Variants in MACROD2 observed in about 807,000 individuals in gnomAD.
MACROD2 encodes the protein ADP-ribose glycohydrolase MACROD2.
A neutral mutation model predicts 70.4 loss-of-function variants in MACROD2; 36 were observed. That is an observed-to-expected ratio of 0.51 (90% CI 0.39 to 0.68). The LOEUF is 0.68. Ranked by LOEUF, MACROD2 falls within the 30% of genes least tolerant of loss-of-function variation. MACROD2 has a pLI of 0.00. For missense variants in MACROD2, 496 were observed against 538.4 expected, an observed-to-expected ratio of 0.92 and a Z score of 0.78; for synonymous variants, 172 against 178.8, an observed-to-expected ratio of 0.96 and a Z score of 0.30.
intron 4 of MACROD2, among the ~76,000 whole-genome samples, chr20:14,599,015 G>T (rs1982318921): frequency 6.6e-6 from 1 of 151,972 alleles, no homozygotes; most frequent in Non-Finnish European, 1.5e-5. Context: ...TATACATTTT[G>T]GTGAGAAGAA....
chr20:15,592,816 A>G (rs1282735449), intron 8 of MACROD2, among the ~76,000 whole-genome samples: 1 of 152,196 alleles, frequency 6.6e-6, no homozygotes, highest in Non-Finnish European at 1.5e-5. Context: ...GAGTGGTGAA[A>G]ACATCTAAAG....
chr20:14,584,760 G>A (rs908520726), intron 4 of MACROD2, among the ~76,000 whole-genome samples: 2 of 152,048 alleles, frequency 1.3e-5, no homozygotes, highest in African/African-American at 4.8e-5. Context: ...CTAATTAAAA[G>A]TTTTTAAATT....
At chr20:15,421,920 C>G (rs958801701) in intron 6 of MACROD2, among the ~76,000 whole-genome samples, 1 of 152,164 alleles carries the variant, frequency 6.6e-6, no homozygotes, top group Non-Finnish European at 1.5e-5. Context: ...CTAGGAAGAC[C>G]TCTTCGAGGA....
At chr20:14,482,156 G>A (rs1408925104) in intron 3 of MACROD2, among the ~76,000 whole-genome samples, 4 of 152,014 alleles carry the variant, frequency 2.6e-5, no homozygotes, top group Non-Finnish European at 5.9e-5. Flanking sequence ...ATTGCGTTAG[G>A]GTGAATGCAG....
chr20:14,741,584 TA>T (rs1253112972), intron 5 of MACROD2, among the ~76,000 whole-genome samples: 1 of 152,098 alleles, frequency 6.6e-6, no homozygotes, highest in Non-Finnish European at 1.5e-5. Flanking sequence ...TGACATTATG[TA>T]AGAAGAAAAA....
chr20:15,271,754 A>G (rs76921018), intron 6 of MACROD2, among the ~76,000 whole-genome samples: 2,283 of 152,310 alleles, frequency 0.015, 56 homozygotes, highest in African/African-American at 0.052. Context: ...CATCTATGGT[A>G]GCAGGCAAGC....
intron 8 of MACROD2, among the ~76,000 whole-genome samples, chr20:15,781,965 G>C (rs779988615): frequency 2.6e-5 from 4 of 152,082 alleles, no homozygotes; most frequent in Non-Finnish European, 4.4e-5. Context: ...TGGCTAAAGA[G>C]ATAGATTACA....
chr20:15,956,544 A>G (rs1200794448), intron 12 of MACROD2, among the ~76,000 whole-genome samples: 1 of 152,334 alleles, frequency 6.6e-6, no homozygotes, highest in Admixed American at 6.5e-5. Context: ...ACTTATCCAA[A>G]AGTCCTACTT....
intron 6 of MACROD2, among the ~76,000 whole-genome samples, chr20:15,429,728 G>C (rs1270965529): frequency 6.6e-6 from 1 of 151,962 alleles, no homozygotes; most frequent in African/African-American, 2.4e-5. Flanking sequence ...CATAGTGCCA[G>C]TAACTTAAAA....
At chr20:14,259,491 A>C (rs2082084887) in intron 3 of MACROD2, among the ~76,000 whole-genome samples, 1 of 152,190 alleles carries the variant, frequency 6.6e-6, no homozygotes, top group Non-Finnish European at 1.5e-5. Context: ...CTGTGAAAGT[A>C]TGCTATTTAC....
intron 3 of MACROD2, among the ~76,000 whole-genome samples, chr20:14,401,991 A>G (rs1381699099): frequency 6.6e-6 from 1 of 152,180 alleles, no homozygotes; most frequent in Non-Finnish European, 1.5e-5. Context: ...ATTTTCTGAT[A>G]TACTGCAGGC....
At chr20:15,544,919 CCCTCATTTCCAGGCCGCATT>C (rs1459933122) in intron 8 of MACROD2, among the ~76,000 whole-genome samples, 1 of 152,202 alleles carries the variant, frequency 6.6e-6, no homozygotes, top group African/African-American at 2.4e-5. Flanking sequence ...GGCTTGTATG[CCCTCATTTCCAGGCCGCATT>C]CCTCAGAGGG....
intron 6 of MACROD2, among the ~76,000 whole-genome samples, chr20:15,300,488 A>C (rs1383718476): frequency 6.6e-6 from 1 of 152,216 alleles, no homozygotes; most frequent in African/African-American, 2.4e-5. Flanking sequence ...GGTCCATGGC[A>C]CTGGCATCAC....
At chr20:15,254,319 A>G (rs749426645) in intron 6 of MACROD2, among the ~76,000 whole-genome samples, 3 of 152,178 alleles carry the variant, frequency 2.0e-5, no homozygotes, top group Non-Finnish European at 2.9e-5. Flanking sequence ...ATCAAAGCGT[A>G]TCAGCCAGAA....
chr20:15,488,840 T>A (rs2047193258), intron 7 of MACROD2, among the ~76,000 whole-genome samples: 1 of 152,224 alleles, frequency 6.6e-6, no homozygotes, highest in South Asian at 2.1e-4. Context: ...TTCTATGAGA[T>A]CTTTCATCTC....
At chr20:15,467,076 A>G (rs1347832738) in intron 7 of MACROD2, among the ~76,000 whole-genome samples, 1 of 152,178 alleles carries the variant, frequency 6.6e-6, no homozygotes, top group Non-Finnish European at 1.5e-5. Flanking sequence ...CTCAGGAGAA[A>G]GTGTGTTGCT....
At chr20:14,977,775 G>T (rs1230595550) in intron 5 of MACROD2, among the ~76,000 whole-genome samples, 3 of 152,128 alleles carry the variant, frequency 2.0e-5, no homozygotes, top group Admixed American at 2.0e-4. Context: ...AGGACCATCA[G>T]AAAACGAAAC....
At chr20:14,714,802 C>G (rs1376816092) in intron 5 of MACROD2, among the ~76,000 whole-genome samples, 1 of 152,192 alleles carries the variant, frequency 6.6e-6, no homozygotes, top group Non-Finnish European at 1.5e-5. Context: ...TCTCACAGCT[C>G]CAAGTAACTA....
intron 5 of MACROD2, among the ~76,000 whole-genome samples, chr20:14,949,618 T>C (rs1253979232): frequency 6.6e-6 from 1 of 152,190 alleles, no homozygotes; most frequent in African/African-American, 2.4e-5. Flanking sequence ...TGAATTAGGC[T>C]CCTTTTGGAA....
Sources: gnomAD v4.1 joint callset for allele counts (sites outside exome capture counted in the v4.1 genomes callset) on GRCh38, gnomAD v4.1.1 for gene constraint, MANE v1.5 for transcripts, NCBI Gene and HGNC (gene_info 2026-07-23, HGNC 2026-07-21) for gene names.